Variants in WWP1 observed in about 807,000 individuals in gnomAD.
WWP1 encodes WW domain containing E3 ubiquitin protein ligase 1.
A neutral mutation model predicts 130.6 loss-of-function variants in WWP1; 49 were observed. That is an observed-to-expected ratio of 0.38 (90% CI 0.30 to 0.48). The LOEUF (loss-of-function observed/expected upper bound fraction) is 0.48. WWP1 is among the 20% of genes least tolerant of loss of function. The probability of loss-of-function intolerance (pLI) is 0.99; values close to 1 mark genes in which losing one functional copy is unlikely to be tolerated. For missense variants in WWP1, 809 were observed against 1,100.6 expected, an observed-to-expected ratio of 0.74 and a Z score of 3.75; for synonymous variants, 332 against 367.8, an observed-to-expected ratio of 0.90 and a Z score of 1.11.
intron 3 of WWP1, among the ~76,000 whole-genome samples, chr8:86,375,658 GCTAA>G (rs371156233): frequency 4.6e-5 from 7 of 152,212 alleles, no homozygotes; most frequent in African/African-American, 1.4e-4. Flanking sequence ...ATGTAAAAAA[GCTAA>G]CTAGTCTCCT....
intron 5 of WWP1, among the ~76,000 whole-genome samples, chr8:86,392,769 A>G (rs900008655): frequency 7.5e-6 from 1 of 132,962 alleles, no homozygotes; most frequent in Non-Finnish European, 1.8e-5. Context: ...TATCAACACA[A>G]ACTCAGATAT....
At chr8:86,437,055 G>A (rs75126651) in intron 16 of WWP1, among the ~76,000 whole-genome samples, 2,234 of 152,066 alleles carry the variant, frequency 0.015, 22 homozygotes, top group Middle Eastern at 0.027. Flanking sequence ...TGAATTCATG[G>A]TAGACTTTAT....
At chr8:86,438,547 T>C in intron 16 of WWP1, 38 bp from the exon 17 acceptor site, 1 of 1,471,518 alleles carries the variant, frequency 6.8e-7, no homozygotes, top group Non-Finnish European at 9.3e-7. Context: ...TTGTACTGCA[T>C]GTGAGTATTT....
At chr8:86,418,415 C>T (rs974431343) in intron 9 of WWP1, among the ~76,000 whole-genome samples, 6 of 152,066 alleles carry the variant, frequency 3.9e-5, no homozygotes, top group African/African-American at 1.4e-4. Context: ...TCAGGAAGTG[C>T]ATTAGCTGGG....
In WWP1 at chr8:86,342,891, G is replaced by C; in HGVS notation, c.-154G>C. ...CGCCGCAGGAGGAGGTGCCGCTGCC[G>C]TGGCCGCCCGGCTGCCGGGAGCCGA... On this transcript the variant is annotated 5_prime_UTR_variant, in exon 1 of 25. Coordinates refer to ENST00000517970, the MANE Select transcript of WWP1 (RefSeq NM_007013.4). 1 of 360,228 alleles carries C rather than the reference G, an allele frequency of 2.8e-6. No individual in the cohort carries two copies. Among genetic ancestry groups the C allele is most frequent in the African/African-American group, 2.1e-5 (1 of 46,956 alleles). The allele number at this position is 360,228 out of a possible 1,614,324, so 22.3% of individuals were successfully genotyped here. A position where few individuals can be genotyped will look rare whatever the true frequency, so the allele number is the denominator to read the frequency against.
intron 5 of WWP1, among the ~76,000 whole-genome samples, chr8:86,385,444 G>A (rs1293682555): frequency 6.6e-6 from 1 of 152,096 alleles, no homozygotes; most frequent in Non-Finnish European, 1.5e-5. Context: ...GGAAGAACCC[G>A]GGATCTAGCA....
intron 11 of WWP1, 86 bp from the exon 12 acceptor site, chr8:86,430,611 T>A (rs1324028142): frequency 9.0e-7 from 1 of 1,116,262 alleles, no homozygotes; most frequent in African/African-American, 1.6e-5. Flanking sequence ...TTATAAAATG[T>A]GATTCTGCCA....
At chr8:86,385,330 G>A (rs1007153943) in intron 5 of WWP1, among the ~76,000 whole-genome samples, 10 of 152,160 alleles carry the variant, frequency 6.6e-5, no homozygotes, top group Admixed American at 2.6e-4. Flanking sequence ...ATTTTTAAGG[G>A]ATGTAGTGAA....
intron 17 of WWP1, among the ~76,000 whole-genome samples, chr8:86,439,342 C>CAAAAAAAAAAAAA (rs59635746): frequency 3.9e-5 from 5 of 127,056 alleles, no homozygotes; most frequent in African/African-American, 1.5e-4. Context: ...GACGCTGTGT[C>CAAAAAAAAAAAAA]AAAAAAAAAA....
intron 1 of WWP1, among the ~76,000 whole-genome samples, chr8:86,352,516 A>C (rs1822994324): frequency 1.3e-5 from 2 of 152,048 alleles, no homozygotes; most frequent in African/African-American, 4.8e-5. Flanking sequence ...GCCATGAGCC[A>C]CCGTGCCCTG....
chr8:86,463,760 A>G (rs1052698528), intron 24 of WWP1, among the ~76,000 whole-genome samples: 9 of 151,932 alleles, frequency 5.9e-5, no homozygotes, highest in African/African-American at 2.2e-4. Flanking sequence ...GGTAAAAGTT[A>G]TTTTCAAAGT....
chr8:86,391,391 T>C (rs1251315777), intron 5 of WWP1, among the ~76,000 whole-genome samples: 7 of 152,214 alleles, frequency 4.6e-5, no homozygotes, highest in African/African-American at 1.4e-4. Context: ...GAAATAATTT[T>C]TTGGCTCTGC....
At chr8:86,375,030 T>G (rs888381373) in intron 3 of WWP1, among the ~76,000 whole-genome samples, 1 of 151,998 alleles carries the variant, frequency 6.6e-6, no homozygotes, top group African/African-American at 2.4e-5. Context: ...AAATCTCCAT[T>G]CAAAATGACA....
intron 8 of WWP1, among the ~76,000 whole-genome samples, chr8:86,408,139 C>T (rs1475853455): frequency 1.3e-5 from 2 of 152,108 alleles, no homozygotes; most frequent in African/African-American, 2.4e-5. Context: ...AGTTGGAGTC[C>T]TACAGTGTGG....
rs10694206 is a variant in WWP1 at position 86,394,933 on chromosome 8, TA to T, written c.335-3387del. Among the ~76,000 whole-genome samples, 254 of 76,432 alleles carry T rather than the reference TA, an allele frequency of 3.3e-3. 1 individual carries two copies. Among genetic ancestry groups the T allele is most frequent in the African/African-American group, 9.0e-3 (176 of 19,492 alleles). 50.1% of individuals were successfully genotyped at this position (76,432 alleles called of 152,430 possible). A position where few individuals can be genotyped will look rare whatever the true frequency, so the allele number is the denominator to read the frequency against. On this transcript the variant is annotated intron_variant, in intron 5 of 24. Coordinates refer to ENST00000517970, the MANE Select transcript of WWP1 (RefSeq NM_007013.4). ...CAAAAAGGTAGAGGGCTGTTCTTCT[TA>T]AAAAAAAAAAAAAAAAAAAAAGCCA...
chr8:86,397,064 AT>A (rs1272986921), intron 5 of WWP1, among the ~76,000 whole-genome samples: 1 of 152,120 alleles, frequency 6.6e-6, no homozygotes, highest in African/African-American at 2.4e-5. Context: ...GTAGTTCTAG[AT>A]TTTTGTCTTG....
At chr8:86,372,238 G>A (rs910252340) in intron 2 of WWP1, among the ~76,000 whole-genome samples, 3 of 151,702 alleles carry the variant, frequency 2.0e-5, no homozygotes, top group African/African-American at 7.3e-5. Flanking sequence ...TACCCAGGAT[G>A]GTCTCGATCT....
chr8:86,372,745 T>G (rs1007484026), intron 2 of WWP1, among the ~76,000 whole-genome samples: 1 of 152,232 alleles, frequency 6.6e-6, no homozygotes, highest in Non-Finnish European at 1.5e-5. Context: ...TTGGTCTGTT[T>G]TAGGGCTTCC....
intron 1 of WWP1, among the ~76,000 whole-genome samples, chr8:86,351,365 C>G (rs575546739): frequency 6.6e-6 from 1 of 152,050 alleles, no homozygotes; most frequent in Non-Finnish European, 1.5e-5. Flanking sequence ...ACAGGGTCTC[C>G]GACAGCTCTG....
Sources: gnomAD v4.1 joint callset for allele counts (sites outside exome capture counted in the v4.1 genomes callset) on GRCh38, gnomAD v4.1.1 for gene constraint, MANE v1.5 for transcripts, NCBI Gene and HGNC (gene_info 2026-07-23, HGNC 2026-07-21) for gene names.